The following LMNTD1 variants were observed in gnomAD, a reference collection of about 807,000 sequenced individuals.
LMNTD1 encodes lamin tail domain containing 1, also known as lamin tail domain-containing protein 1.
A neutral mutation model predicts 50.9 loss-of-function variants in LMNTD1; 35 were observed. The observed-to-expected ratio is 0.69, with a 90% CI of 0.53 to 0.91. The LOEUF (loss-of-function observed/expected upper bound fraction) is 0.91. Ranked by LOEUF, LMNTD1 falls within the 40% of genes least tolerant of loss-of-function variation. The pLI, the probability that LMNTD1 is intolerant of heterozygous loss-of-function variation, is 0.00. For missense variants in LMNTD1, 470 were observed against 475.5 expected, an observed-to-expected ratio of 0.99 and a Z score of 0.11; for synonymous variants, 153 against 161.9, an observed-to-expected ratio of 0.94 and a Z score of 0.42.
chr12:25,565,732 T>C (rs1592030116), intron 1 of LMNTD1, among the ~76,000 whole-genome samples: 1 of 152,232 alleles, frequency 6.6e-6, no homozygotes, highest in East Asian at 1.9e-4. Context: ...TCCTTTTTCT[T>C]TCTGATTGAA....
chr12:25,484,578 T>C (rs1245927905), intron 9 of LMNTD1, among the ~76,000 whole-genome samples: 9 of 151,378 alleles, frequency 5.9e-5, no homozygotes, highest in African/African-American at 2.2e-4. Context: ...TATGTATACA[T>C]GTGCCGTGCT....
At chr12:25,635,413 G>T (rs755579812) in intron 1 of LMNTD1, among the ~76,000 whole-genome samples, 6 of 151,964 alleles carry the variant, frequency 3.9e-5, no homozygotes, top group Non-Finnish European at 8.8e-5. Flanking sequence ...AAATACTTAG[G>T]AATATACCTA....
chr12:25,533,050 CTTAT>C (rs1268792255), intron 4 of LMNTD1, among the ~76,000 whole-genome samples: 1 of 152,094 alleles, frequency 6.6e-6, no homozygotes, highest in Non-Finnish European at 1.5e-5. Flanking sequence ...AAGCAAAGTG[CTTAT>C]TTATTAACCT....
chr12:25,477,587 T>G (rs1938310580), intron 9 of LMNTD1, among the ~76,000 whole-genome samples: 1 of 152,130 alleles, frequency 6.6e-6, no homozygotes. Flanking sequence ...AAAGCTGTCT[T>G]GAGGGATGCC....
intron 1 of LMNTD1, among the ~76,000 whole-genome samples, chr12:25,634,427 A>G (rs1946783737): frequency 6.6e-6 from 1 of 152,222 alleles, no homozygotes; most frequent in Non-Finnish European, 1.5e-5. Context: ...ATAGATGCTA[A>G]AATCCAAAAT....
intron 7 of LMNTD1, among the ~76,000 whole-genome samples, 172 bp downstream of exon 7, chr12:25,519,686 C>T (rs1317169526): frequency 6.6e-6 from 1 of 151,318 alleles, no homozygotes. Context: ...TTTACCTGCT[C>T]ATTCTGTTTT....
intron 1 of LMNTD1, among the ~76,000 whole-genome samples, chr12:25,612,860 G>T (rs575317807): frequency 3.9e-5 from 6 of 152,288 alleles, no homozygotes; most frequent in African/African-American, 1.4e-4. Flanking sequence ...GATGTGAATA[G>T]ATTAAGGATC....
At chr12:25,483,018 C>A (rs1938493891) in intron 9 of LMNTD1, among the ~76,000 whole-genome samples, 1 of 151,958 alleles carries the variant, frequency 6.6e-6, no homozygotes, top group African/African-American at 2.4e-5. Flanking sequence ...ATCTCTGCCT[C>A]CTAACTTTAG....
intron 4 of LMNTD1, among the ~76,000 whole-genome samples, chr12:25,535,084 C>T (rs146251009): frequency 6.6e-6 from 1 of 152,202 alleles, no homozygotes; most frequent in African/African-American, 2.4e-5. Context: ...GCAGAACTGA[C>T]ACAGATGTTA....
At chr12:25,643,153 G>A (rs1946988556) in intron 1 of LMNTD1, among the ~76,000 whole-genome samples, 1 of 152,126 alleles carries the variant, frequency 6.6e-6, no homozygotes, top group African/African-American at 2.4e-5. Flanking sequence ...ATTGTAATAA[G>A]AGTCATACAG....
At chr12:25,582,913 T>C (rs983452508) in intron 1 of LMNTD1, among the ~76,000 whole-genome samples, 2 of 152,170 alleles carry the variant, frequency 1.3e-5, no homozygotes, top group African/African-American at 4.8e-5. Context: ...AGTAGCACGA[T>C]CATGGCTCAC....
rs1392017855 is a variant in LMNTD1 at position 25,519,893 on chromosome 12, AT to A, written c.980del (p.Asn327IlefsTer42). 1.2e-6 allele frequency: 2 copies of A among 1,611,312 alleles called. No individual in the cohort carries two copies. Among genetic ancestry groups the A allele is most frequent in the Non-Finnish European group, 1.7e-6 (2 of 1,179,064 alleles). On this transcript the variant is annotated frameshift_variant, in exon 7 of 10. Coordinates refer to ENST00000458174, the MANE Select transcript of LMNTD1 (RefSeq NM_001145728.2). LOFTEE classifies it high-confidence loss of function. ...KQDQPKKDIS[N>X]YQVEQAQVLL... ...GAACTTGAGCTTGTTCCACCTGATAATTTGAGATATCTTTCTTAGGTTGATC... is the reference window on the plus strand; with the variant it reads ...GAACTTGAGCTTGTTCCACCTGATAATTGAGATATCTTTCTTAGGTTGATC...
intron 9 of LMNTD1, among the ~76,000 whole-genome samples, chr12:25,490,193 C>T (rs1485765735): frequency 6.6e-6 from 1 of 152,138 alleles, no homozygotes; most frequent in Non-Finnish European, 1.5e-5. Flanking sequence ...AGCAAGCAAA[C>T]AAACCTACAG....
chr12:25,605,180 C>G (rs1487965475), intron 1 of LMNTD1, among the ~76,000 whole-genome samples: 2 of 152,112 alleles, frequency 1.3e-5, no homozygotes, highest in African/African-American at 4.8e-5. Flanking sequence ...CCTTCACCCA[C>G]TTTTTGATGG....
intron 9 of LMNTD1, among the ~76,000 whole-genome samples, chr12:25,486,417 G>T (rs911970095): frequency 1.9e-3 from 280 of 151,086 alleles, no homozygotes; most frequent in African/African-American, 5.1e-3. Context: ...GAGACGATGG[G>T]GTTTTCTAGA....
chr12:25,527,010 C>T lies in LMNTD1; in HGVS notation c.492-55G>A, dbSNP rs1288168824. 1.6e-5 allele frequency: 20 copies of T among 1,284,352 alleles called. No individual in the cohort carries two copies. The East Asian group carries it at 4.2e-4, about 27-fold the overall frequency. 79.6% of individuals were successfully genotyped at this position (1,284,352 alleles called of 1,614,324 possible). On this transcript the variant is annotated intron_variant, in intron 4 of 9. Transcript: ENST00000458174. ...TGCCTTCAGATAGGAGTGTCTTTGACTCACTTTAAGAAGTGATTAATAAAC... is the reference window on the plus strand; with the variant it reads ...TGCCTTCAGATAGGAGTGTCTTTGATTCACTTTAAGAAGTGATTAATAAAC...
At chr12:25,557,440 C>T (rs1415980392), upstream of LMNTD1, 1 of 152,154 alleles carries the variant, frequency 6.6e-6, no homozygotes, top group Non-Finnish European at 1.5e-5. Flanking sequence ...GGTTTGAATC[C>T]TCAGACATAC....
At chr12:25,544,688 T>C (rs1943312236) in intron 4 of LMNTD1, among the ~76,000 whole-genome samples, 1 of 151,838 alleles carries the variant, frequency 6.6e-6, no homozygotes, top group Non-Finnish European at 1.5e-5. Context: ...TTTTAATTCA[T>C]TGCTTTTTAT....
In LMNTD1 at chr12:25,520,001, T is replaced by A; in HGVS notation, c.873A>T (p.Arg291Ser). Reference sequence around the variant, plus strand: ...GGAATGTTGGAGATACTACTGAACATCTGTTAAATTCAACGTCAGCATCTA... The same window carrying A: ...GGAATGTTGGAGATACTACTGAACAACTGTTAAATTCAACGTCAGCATCTA... ...EKLDADVEFN[R>S]CSVVSPTFRK... Residue 291 changes from arginine to serine, a missense_variant, in exon 7 of 10, where the codon AGA becomes AGT. Physicochemically the swap from Arg to Ser is moderately radical, Grantham distance 110. Transcript: ENST00000458174. 2.5e-6 allele frequency: 4 copies of A among 1,613,748 alleles called. No homozygotes were observed. In the East Asian group the frequency reaches 8.9e-5, roughly 36 times the overall value.
Sources: allele counts gnomAD v4.1 joint callset (sites outside exome capture counted in the v4.1 genomes callset), GRCh38; gene constraint gnomAD v4.1.1; transcripts MANE v1.5; gene names NCBI Gene and HGNC (gene_info 2026-07-23, HGNC 2026-07-21).